Variants in SUCO observed in about 807,000 individuals in gnomAD.
SUCO encodes the protein SUN domain-containing ossification factor.
Under a neutral mutation model 148.1 loss-of-function variants are expected in SUCO, and 57 were observed. That is an observed-to-expected ratio of 0.38 (90% CI 0.31 to 0.48). The LOEUF (loss-of-function observed/expected upper bound fraction) is 0.48. Ranked by LOEUF, SUCO falls within the 20% of genes least tolerant of loss-of-function variation. The probability of loss-of-function intolerance (pLI) is 0.96; values close to 1 mark genes in which losing one functional copy is unlikely to be tolerated. For missense variants in SUCO, 1,331 were observed against 1,468.2 expected (o/e 0.91, Z 1.53); for synonymous variants, 470 against 502.7 (o/e 0.93, Z 0.87).
intron 23 of SUCO, 131 bp downstream of exon 23, chr1:172,608,933 G>A (rs924444666): frequency 3.2e-5 from 22 of 695,030 alleles, no homozygotes; most frequent in Middle Eastern, 6.2e-4. Flanking sequence ...TCATGATAAT[G>A]TTGTAAATAA....
At chr1:172,587,015 A>G (rs1355947224) in intron 17 of SUCO, among the ~76,000 whole-genome samples, 1 of 152,122 alleles carries the variant, frequency 6.6e-6, no homozygotes, top group East Asian at 1.9e-4. Context: ...AGGTTTCTTC[A>G]GTTAACAACA....
rs568123018 is a variant in SUCO at position 172,585,792 on chromosome 1, A to C, written c.1568-66A>C. The C allele has an allele frequency of 1.9e-4, 214 of 1,117,394 alleles. No homozygotes were observed. The African/African-American group carries it at 2.9e-3, about 15-fold the overall frequency. The allele number at this position is 1,117,394 out of a possible 1,614,324, so 69.2% of individuals were successfully genotyped here. A position where few individuals can be genotyped will look rare whatever the true frequency, so the allele number is the denominator to read the frequency against. ...TCTTCTCTTCCAAGAAATTTGTTTT[A>C]GTAAAATATTTTCATGGTACAGCTT... On this transcript the variant is annotated intron_variant, in intron 16 of 23. Transcript: ENST00000263688.
At chr1:172,595,482 C>G (rs1411493986) in intron 19 of SUCO, among the ~76,000 whole-genome samples, 1 of 152,112 alleles carries the variant, frequency 6.6e-6, no homozygotes, top group Non-Finnish European at 1.5e-5. Flanking sequence ...CTGGTGGTGA[C>G]AAAATCTCAC....
At chr1:172,568,833 A>G (rs961498742) in intron 6 of SUCO, among the ~76,000 whole-genome samples, 186 bp from the exon 7 acceptor site, 2 of 152,174 alleles carry the variant, frequency 1.3e-5, no homozygotes, top group African/African-American at 2.4e-5. Flanking sequence ...TGTTTAAATT[A>G]TCTCAAGAGA....
At chr1:172,584,040 A>G (rs778943669) in intron 15 of SUCO, among the ~76,000 whole-genome samples, 3 of 152,186 alleles carry the variant, frequency 2.0e-5, no homozygotes, top group African/African-American at 7.2e-5. Flanking sequence ...AATCTGCCCC[A>G]TACCTGTCCC....
chr1:172,557,936 C>G lies in SUCO; in HGVS notation c.732+142C>G, dbSNP rs190603982. ...CAATAACATGTGGAACTAACACGAA[C>G]TGTGCTCCCTGAGAGCAAGTGATTC... is the stretch of plus-strand genomic sequence containing the variant. On this transcript the variant is annotated intron_variant, in intron 6 of 23. Coordinates refer to ENST00000263688, the MANE Select transcript of SUCO (RefSeq NM_014283.5). 28 of 644,212 alleles carry G rather than the reference C, an allele frequency of 4.3e-5. No individual in the cohort carries two copies. The African/African-American group carries it at 4.4e-4, about 10-fold the overall frequency. The allele number at this position is 644,212 out of a possible 1,614,324, so 39.9% of individuals were successfully genotyped here.
intron 19 of SUCO, among the ~76,000 whole-genome samples, chr1:172,593,979 C>G (rs1399957187): frequency 6.6e-6 from 1 of 152,098 alleles, no homozygotes; most frequent in Non-Finnish European, 1.5e-5. Context: ...TTCAGAGATT[C>G]AACTTCTTCC....
rs1277053617 is a variant in SUCO at position 172,602,199 on chromosome 1, C to T, written c.3154C>T (p.Gln1052Ter). Residue 1052 changes from glutamine (Q) to a stop codon, truncating the protein, a stop_gained, in exon 21 of 24, where the codon CAG becomes TAG. Coordinates refer to ENST00000263688, the MANE Select transcript of SUCO (RefSeq NM_014283.5). LOFTEE classifies it high-confidence loss of function. ...DYISKLPKSN[Q>*]YPSPKRCFSS... ...TATTTCAAAACTTCCTAAAAGTAATCAGTATCCAAGCCCTAAAAGGTAATA... is the reference window on the plus strand; with the variant it reads ...TATTTCAAAACTTCCTAAAAGTAATTAGTATCCAAGCCCTAAAAGGTAATA... 2 of 1,611,278 alleles carry T rather than the reference C, an allele frequency of 1.2e-6. No homozygotes were observed. Among genetic ancestry groups the T allele is most frequent in the Admixed American group, 1.7e-5 (1 of 59,776 alleles).
chr1:172,558,558 T>G (rs1653912322), intron 6 of SUCO, among the ~76,000 whole-genome samples: 1 of 151,498 alleles, frequency 6.6e-6, no homozygotes. Context: ...TGCTTTCTTT[T>G]TCACGTATTT....
chr1:172,556,089 A>G, intron 4 of SUCO, 66 bp downstream of exon 4: 1 of 1,341,690 alleles, frequency 7.5e-7, no homozygotes, highest in Non-Finnish European at 1.0e-6. Flanking sequence ...AAATTTCCTT[A>G]AAAGATAAAG....
chr1:172,608,708 T>G (rs1336303752), intron 22 of SUCO, 39 bp from the exon 23 acceptor site: 1 of 1,388,668 alleles, frequency 7.2e-7, no homozygotes, highest in Non-Finnish European at 1.0e-6. Flanking sequence ...CAAATCCACT[T>G]TACATTTTAC....
Position 172,602,185 on chromosome 1 carries a change from T to G in SUCO, c.3140T>G (p.Leu1047Arg), listed in dbSNP as rs1657573936. Reference protein sequence around the residue: ...SQFDGDYISKLPKSNQYPSPK... With the variant: ...SQFDGDYISKRPKSNQYPSPK... ...TTTGATGGAGATTATATTTCAAAAC[T>G]TCCTAAAAGTAATCAGTATCCAAGC... The change falls in exon 21 of 24, where the codon CTT becomes CGT. Residue 1047 changes from leucine to arginine, a missense_variant. Around this residue, in one of 3 missense-constraint regions of SUCO, gnomAD observed 334 missense variants for 352.3 expected, o/e 0.95. Coordinates refer to ENST00000263688, the MANE Select transcript of SUCO (RefSeq NM_014283.5). The G allele has an allele frequency of 6.2e-7, 1 of 1,612,910 alleles. No homozygotes were observed. Among genetic ancestry groups the G allele is most frequent in the African/African-American group, 1.3e-5 (1 of 74,910 alleles).
rs571379151 is a variant in SUCO, at chr1:172,559,167, C to T, written c.732+1373C>T. ...CAAGGATCTGTGAGACACTGATTGC[C>T]GTACTTATACAGAGAATGCTTTCCA... On this transcript the variant is annotated intron_variant, in intron 6 of 23. Transcript: ENST00000263688. Among the ~76,000 whole-genome samples, 14 of 152,142 alleles carry T rather than the reference C, an allele frequency of 9.2e-5. No individual in the cohort carries two copies. The South Asian group carries it at 1.2e-3, about 14-fold the overall frequency.
In SUCO at chr1:172,610,318, T is replaced by A. The variant is rs1455278399; in HGVS notation, c.*59T>A. On this transcript the variant is annotated 3_prime_UTR_variant, in exon 24 of 24. Transcript: ENST00000263688. The stretch of plus-strand genomic sequence containing the variant: ...TGTTGTTGTTCTTTGAAGAACAGTC[T>A]GTAGTATTTGAAGGGTTTGGGGGAG... 4.6e-6 allele frequency: 7 copies of A among 1,509,820 alleles called. No individual in the cohort carries two copies. The East Asian group carries it at 1.4e-4, about 30-fold the overall frequency. 93.5% of individuals were successfully genotyped at this position (1,509,820 alleles called of 1,614,324 possible).
chr1:172,585,820 A>C, intron 16 of SUCO, 38 bp from the exon 17 acceptor site: 3 of 1,386,300 alleles, frequency 2.2e-6, no homozygotes, highest in Non-Finnish European at 3.0e-6. Flanking sequence ...TACAGCTTTT[A>C]AAATTGAACT....
intron 20 of SUCO, among the ~76,000 whole-genome samples, chr1:172,601,309 A>G (rs1256699926): frequency 2.0e-5 from 3 of 152,016 alleles, no homozygotes; most frequent in Non-Finnish European, 2.9e-5. Flanking sequence ...CGCCAACATG[A>G]TGAAACGCCG....
At chr1:172,585,215 A>G in intron 16 of SUCO, 129 bp downstream of exon 16, 1 of 842,750 alleles carries the variant, frequency 1.2e-6, no homozygotes, top group African/African-American at 1.7e-5. Flanking sequence ...ATTCAGAGGA[A>G]CTTACCAATC....
chr1:172,570,322 G>T, intron 8 of SUCO, 151 bp downstream of exon 8: 3 of 504,446 alleles, frequency 5.9e-6, no homozygotes, highest in Admixed American at 3.9e-5. Flanking sequence ...ACATTATCTT[G>T]TATGAATTCT....
chr1:172,533,586 TTA>T, intron 1 of SUCO, 89 bp downstream of exon 1: 1 of 1,429,818 alleles, frequency 7.0e-7, no homozygotes, highest in Non-Finnish European at 9.2e-7. Flanking sequence ...ATTTTGGCTT[TTA>T]GGGTCCGGGT....
Sources: allele counts gnomAD v4.1 joint callset (sites outside exome capture counted in the v4.1 genomes callset), GRCh38; gene constraint gnomAD v4.1.1; regional missense constraint gnomAD v4.1.1; transcripts MANE v1.5; gene names NCBI Gene and HGNC (gene_info 2026-07-23, HGNC 2026-07-21).